IFT46: variants seen among roughly 807,000 people sequenced by gnomAD.
IFT46 encodes intraflagellar transport 46, also known as intraflagellar transport protein 46 homolog.
IFT46 carries 19 observed loss-of-function variants against 39.6 expected under a neutral mutation model. The observed-to-expected ratio is 0.48, with a 90% CI of 0.33 to 0.70. IFT46 has a LOEUF of 0.70. IFT46 is among the 30% of genes least tolerant of loss of function. The pLI is 0.01. For synonymous variants in IFT46, 117 were observed against 134.8 expected (o/e 0.87, Z 0.91); for missense variants, 334 against 364.8 (o/e 0.92, Z 0.69).
chr11:118,552,391 TAC>T, intron 7 of IFT46, 56 bp from the exon 8 acceptor site: 1 of 1,598,872 alleles, frequency 6.3e-7, no homozygotes. Flanking sequence ...CTCTTGTTTT[TAC>T]AGTGTCTCAT....
upstream of IFT46, among the ~76,000 whole-genome samples, chr11:118,569,571 G>A (rs1938295207): frequency 6.6e-6 from 1 of 152,192 alleles, no homozygotes; most frequent in Non-Finnish European, 1.5e-5. Context: ...ACGGGTAAGA[G>A]CAAGAAGTCT....
chr11:118,564,914 C>T (rs1355031159), intron 2 of IFT46, 51 bp downstream of exon 2: 2 of 152,588 alleles, frequency 1.3e-5, no homozygotes, highest in Non-Finnish European at 2.9e-5. Flanking sequence ...TGAAGACAAC[C>T]GTGAATCCAT....
upstream of IFT46, among the ~76,000 whole-genome samples, chr11:118,574,789 T>G (rs1370453371): frequency 6.6e-6 from 1 of 151,918 alleles, no homozygotes; most frequent in Admixed American, 6.6e-5. Flanking sequence ...AGGGTCTCAC[T>G]ATGTTGCCCA....
rs575936499 is a variant in IFT46, at chr11:118,546,575, T to C, written c.673-722A>G. On this transcript the variant is annotated intron_variant, in intron 9 of 11. Coordinates refer to ENST00000264021, the MANE Select transcript of IFT46 (RefSeq NM_001168618.2). ...ACTGGACTACTAGCCTCCAGAACTA[T>C]GAAATAATACATTTCTGATGTCTAA... 11 of 183,366 alleles carry C rather than the reference T, an allele frequency of 6.0e-5. No homozygotes were observed. In the East Asian group the frequency reaches 1.5e-3, roughly 26 times the overall value. The allele number at this position is 183,366 out of a possible 1,614,324, so 11.4% of individuals were successfully genotyped here.
intron 3 of IFT46, among the ~76,000 whole-genome samples, chr11:118,559,177 G>A (rs972229130): frequency 7.2e-5 from 11 of 151,836 alleles, no homozygotes; most frequent in African/African-American, 2.2e-4. Context: ...CAACATAAAC[G>A]GTTTTTAAGA....
intron 3 of IFT46, among the ~76,000 whole-genome samples, chr11:118,558,912 CAA>C (rs782109391): frequency 9.3e-6 from 1 of 107,128 alleles, no homozygotes; most frequent in Admixed American, 1.0e-4. Context: ...GACTCTGTCT[CAA>C]AAAAAAAAAA....
At chr11:118,552,776 G>A (rs1937687390) in intron 7 of IFT46, among the ~76,000 whole-genome samples, 1 of 150,918 alleles carries the variant, frequency 6.6e-6, no homozygotes, top group African/African-American at 2.4e-5. Context: ...CTAGGCAAGA[G>A]CGAGATCCTG....
At chr11:118,546,139 G>C in intron 9 of IFT46, 1 of 718,516 alleles carries the variant, frequency 1.4e-6, no homozygotes, top group Non-Finnish European at 2.6e-6. Flanking sequence ...TCAGGACAAA[G>C]ACGCATAACA....
At chr11:118,567,328 G>C (rs191175676), upstream of IFT46, among the ~76,000 whole-genome samples, 685 of 152,202 alleles carry the variant, frequency 4.5e-3, 2 homozygotes, top group African/African-American at 0.015. Flanking sequence ...TGTAATCCCA[G>C]CACTTTGGGA....
intron 4 of IFT46, chr11:118,555,529 G>A: frequency 4.2e-6 from 2 of 479,952 alleles, no homozygotes; most frequent in South Asian, 3.9e-5. Context: ...GAAGGACAGA[G>A]GTGCAGAAAA....
Position 118,545,440 on chromosome 11 carries a change from AAG to A in IFT46, c.786_787del (p.Ser264ProfsTer12). 6.2e-7 allele frequency: 1 copy of A among 1,613,712 alleles called. No homozygotes were observed. Among genetic ancestry groups the A allele is most frequent in the South Asian group, 1.1e-5 (1 of 91,076 alleles). On this transcript the variant is annotated frameshift_variant, in exon 11 of 12. Coordinates refer to ENST00000264021, the MANE Select transcript of IFT46 (RefSeq NM_001168618.2). LOFTEE classifies it high-confidence loss of function. ...GTTCTTGAATTCTGAGTAGAGGGAA[AAG>A]AGCAGATGGAGGGACTGGATCCGAC...
intron 2 of IFT46, chr11:118,561,305 T>C: frequency 9.0e-7 from 1 of 1,106,694 alleles, no homozygotes; most frequent in East Asian, 2.3e-5. Flanking sequence ...TGTTGCAGAT[T>C]ACATGCACTA....
intron 4 of IFT46, 133 bp from the exon 5 acceptor site, chr11:118,555,455 T>A: frequency 1.5e-6 from 1 of 648,652 alleles, no homozygotes; most frequent in Admixed American, 2.9e-5. Context: ...TATCTGCCTT[T>A]CCTGGTGGCT....
At chr11:118,550,573 A>C (rs1176960016) in intron 9 of IFT46, among the ~76,000 whole-genome samples, 1 of 152,094 alleles carries the variant, frequency 6.6e-6, no homozygotes, top group Non-Finnish European at 1.5e-5. Context: ...TCAGCCTCCC[A>C]AAATTATAGG....
At chr11:118,561,895 C>A in intron 2 of IFT46, among the ~76,000 whole-genome samples, 1 of 152,282 alleles carries the variant, frequency 6.6e-6, no homozygotes, top group Middle Eastern at 3.4e-3. Flanking sequence ...TCCCAGCACT[C>A]TAAGAGGCGG....
chr11:118,556,758 A>T (rs2135496475), intron 4 of IFT46, 148 bp downstream of exon 4: 2 of 913,178 alleles, frequency 2.2e-6, no homozygotes, highest in South Asian at 5.7e-5. Flanking sequence ...ACTCATTATT[A>T]TGTTGGGTTT....
chr11:118,548,848 T>C (rs1380639684), intron 9 of IFT46, among the ~76,000 whole-genome samples: 1 of 150,790 alleles, frequency 6.6e-6, no homozygotes, highest in Non-Finnish European at 1.5e-5. Flanking sequence ...CTCAAACTCC[T>C]GGGCTCAAGC....
At chr11:118,558,458 G>T (rs1937915413) in intron 3 of IFT46, among the ~76,000 whole-genome samples, 1 of 152,150 alleles carries the variant, frequency 6.6e-6, no homozygotes, top group South Asian at 2.1e-4. Context: ...AGCCAGGCGT[G>T]GTGGCGCACG....
At chr11:118,547,974 C>T (rs1486620210) in intron 9 of IFT46, among the ~76,000 whole-genome samples, 2 of 150,088 alleles carry the variant, frequency 1.3e-5, no homozygotes, top group African/African-American at 4.9e-5. Context: ...TCTCGATCTC[C>T]TGACTTCGTG....
Sources: allele counts gnomAD v4.1 joint callset (sites outside exome capture counted in the v4.1 genomes callset), GRCh38; gene constraint gnomAD v4.1.1; transcripts MANE v1.5; gene names NCBI Gene and HGNC (gene_info 2026-07-23, HGNC 2026-07-21).